Variants in ZCWPW1 observed in about 807,000 individuals in gnomAD.
ZCWPW1 encodes the protein zinc finger CW-type PWWP domain protein 1.
ZCWPW1 carries 56 observed loss-of-function variants against 81.3 expected under a neutral mutation model. The observed-to-expected ratio is 0.69, with a 90% CI of 0.56 to 0.86. ZCWPW1 has a LOEUF of 0.86. ZCWPW1 is among the 40% of genes least tolerant of loss of function. ZCWPW1 has a pLI of 0.00. For synonymous variants in ZCWPW1, 250 were observed against 273.7 expected (o/e 0.91, Z 0.86); for missense variants, 650 against 769.8 (o/e 0.84, Z 1.84).
chr7:100,419,255 AG>A, intron 4 of ZCWPW1, 66 bp from the exon 5 acceptor site: 1 of 1,410,172 alleles, frequency 7.1e-7, no homozygotes, highest in Non-Finnish European at 9.8e-7. Flanking sequence ...CTGAACAGTC[AG>A]GGAAGCCTCC....
chr7:100,424,338 G>A (rs1205116937), intron 2 of ZCWPW1, among the ~76,000 whole-genome samples: 1 of 152,150 alleles, frequency 6.6e-6, no homozygotes, highest in Non-Finnish European at 1.5e-5. Flanking sequence ...AAAAAAAATG[G>A]ATCAAAATGC....
intron 8 of ZCWPW1, among the ~76,000 whole-genome samples, chr7:100,411,053 AACAG>A (rs1794056344): frequency 6.6e-6 from 1 of 152,210 alleles, no homozygotes; most frequent in Non-Finnish European, 1.5e-5. Flanking sequence ...AAAATCACAT[AACAG>A]ACACATAGGT....
chr7:100,426,542 T>A (rs979474403), intron 1 of ZCWPW1, among the ~76,000 whole-genome samples: 15 of 147,264 alleles, frequency 1.0e-4, no homozygotes, highest in Admixed American at 1.0e-3. Flanking sequence ...TAAGCCAGAG[T>A]CTGATCTTCC....
chr7:100,421,482 C>T (rs1160130304), intron 2 of ZCWPW1, among the ~76,000 whole-genome samples: 1 of 152,140 alleles, frequency 6.6e-6, no homozygotes, highest in Non-Finnish European at 1.5e-5. Flanking sequence ...TTTCTTAGAT[C>T]CTCAGTCCAA....
chr7:100,419,832 T>C lies in ZCWPW1; in HGVS notation c.80A>G (p.Tyr27Cys), dbSNP rs753910883. ...RIFAPPAQKSYSLLPCSPNSP... is the reference protein window; with the variant it reads ...RIFAPPAQKSCSLLPCSPNSP... ...GTTAGGGCTACAAGGTAACAGGCTG[T>C]AAGATTTTTGTGCAGGTGGGGCAAA... Residue 27 changes from tyrosine (Y) to cysteine (C), a missense_variant, in exon 4 of 18, where the codon TAC becomes TGC. By Grantham distance (194) the Tyr-to-Cys change is radical. Coordinates refer to ENST00000684423, the MANE Select transcript of ZCWPW1 (RefSeq NM_001386010.1). The C allele has an allele frequency of 4.4e-6, 7 of 1,597,280 alleles. No homozygotes were observed. In the East Asian group the frequency reaches 6.7e-5, roughly 15 times the overall value.
intron 8 of ZCWPW1, among the ~76,000 whole-genome samples, chr7:100,412,935 T>G (rs1584262868): frequency 6.6e-6 from 1 of 152,130 alleles, no homozygotes; most frequent in Admixed American, 6.6e-5. Context: ...TTACCCATGC[T>G]GGAGTGATGT....
chr7:100,420,732 C>A, intron 2 of ZCWPW1, 54 bp from the exon 3 acceptor site: 7 of 1,564,958 alleles, frequency 4.5e-6, no homozygotes, highest in Non-Finnish European at 5.2e-6. Context: ...AGATTTTAAA[C>A]TTTCTGTCTA....
chr7:100,403,780 G>A lies in ZCWPW1; in HGVS notation c.1327C>T (p.Gln443Ter), dbSNP rs758975326. 3 of 1,613,886 alleles carry A rather than the reference G, an allele frequency of 1.9e-6. No individual in the cohort carries two copies. Among genetic ancestry groups the A allele is most frequent in the East Asian group, 2.2e-5 (1 of 44,852 alleles). ...SNSNGERKDL[Q>*]LSGLNSPGSC... ...CCTGGGCTGTTCAAACCAGAGAGCT[G>A]TAAGTCTAGAACAGGAAAAGGAAGG... is the stretch of plus-strand genomic sequence containing the variant. The change falls in exon 15 of 18, where the codon CAG becomes TAG. Residue 443 changes from glutamine (Q) to a stop codon, truncating the protein, a stop_gained. Transcript: ENST00000684423. LOFTEE classifies it high-confidence loss of function.
chr7:100,419,192 G>A lies in ZCWPW1; in HGVS notation c.283-3C>T, dbSNP rs202118179. ...GCATTGGTAAGACTTGATTTTTCCT[G>A]CAGAGACAAGGGTAGGGGAGGAAAA... On this transcript the variant is annotated splice_polypyrimidine_tract_variant and splice_region_variant and intron_variant, in intron 4 of 17. Coordinates refer to ENST00000684423, the MANE Select transcript of ZCWPW1 (RefSeq NM_001386010.1). The A allele has an allele frequency of 2.1e-4, 333 of 1,612,162 alleles. 1 individual carries two copies. Among genetic ancestry groups the A allele is most frequent in the Non-Finnish European group, 2.6e-4 (303 of 1,179,186 alleles).
At chr7:100,408,715 C>G (rs559084895) in intron 9 of ZCWPW1, 56 bp from the exon 10 acceptor site, 1 of 1,584,304 alleles carries the variant, frequency 6.3e-7, no homozygotes, top group South Asian at 1.1e-5. Context: ...AGAGAAAGAG[C>G]TGGATGAGAG....
intron 12 of ZCWPW1, among the ~76,000 whole-genome samples, chr7:100,405,597 C>T (rs1414031339): frequency 6.6e-6 from 1 of 152,142 alleles, no homozygotes; most frequent in Non-Finnish European, 1.5e-5. Flanking sequence ...ATAACACCCC[C>T]CTTCCGTCTA....
chr7:100,406,416 C>A (rs1391809602), intron 12 of ZCWPW1, among the ~76,000 whole-genome samples: 1 of 152,078 alleles, frequency 6.6e-6, no homozygotes, highest in Non-Finnish European at 1.5e-5. Flanking sequence ...TTAATCTGTG[C>A]CCTCATTTCT....
At chr7:100,419,015 T>C (rs974062115) in intron 5 of ZCWPW1, 96 bp downstream of exon 5, 4 of 936,254 alleles carry the variant, frequency 4.3e-6, no homozygotes, top group South Asian at 1.4e-5. Context: ...ATTTAGAAGA[T>C]GGGAGAGAAA....
At position 100,416,469 on chromosome 7, in the gene ZCWPW1, T is replaced by C. The variant is rs1452444536; in HGVS notation, c.480-13A>G. ...TGGTACCTCCTCTCTGAAAATGAGGTTTTATTTTAATGAAAGGTAAAAATA... is the reference window on the plus strand; with the variant it reads ...TGGTACCTCCTCTCTGAAAATGAGGCTTTATTTTAATGAAAGGTAAAAATA... On this transcript the variant is annotated splice_polypyrimidine_tract_variant and intron_variant, in intron 6 of 17. Transcript: ENST00000684423. 6.2e-7 allele frequency: 1 copy of C among 1,611,558 alleles called. No homozygotes were observed. The highest frequency in any genetic ancestry group is 1.7e-5 in the Admixed American group (1 of 59,262).
intron 13 of ZCWPW1, among the ~76,000 whole-genome samples, chr7:100,404,528 T>C (rs1321007972): frequency 6.6e-6 from 1 of 151,940 alleles, no homozygotes; most frequent in African/African-American, 2.4e-5. Flanking sequence ...GCCTGGCTAA[T>C]TTTGTATTTT....
chr7:100,405,054 C>T lies in ZCWPW1; in HGVS notation c.1213G>A (p.Ala405Thr), dbSNP rs1175104967. The T allele has an allele frequency of 1.2e-6, 2 of 1,613,402 alleles. No homozygotes were observed. The highest frequency in any genetic ancestry group is 1.7e-5 in the Admixed American group (1 of 59,976). Residue 405 changes from alanine (A) to threonine (T), a missense_variant, in exon 13 of 18, where the codon GCC becomes ACC. Physicochemically the swap from Ala to Thr is moderately conservative, Grantham distance 58. Coordinates refer to ENST00000684423, the MANE Select transcript of ZCWPW1 (RefSeq NM_001386010.1). ...RNDCSQKLGV[A>T]LMMAQEAEQI... ...TCTGCCTCTTGAGCCATCATCAGGG[C>T]CACCCCCAGTTTCTGGCTGCAGTCA...
chr7:100,420,828 G>C (rs1796222023), intron 2 of ZCWPW1, 150 bp from the exon 3 acceptor site: 3 of 681,798 alleles, frequency 4.4e-6, no homozygotes, highest in Non-Finnish European at 7.5e-6. Flanking sequence ...TACACACCAG[G>C]GAATAATGAG....
rs540434059 is a variant in ZCWPW1 at position 100,405,362 on chromosome 7, G to T, written c.1174-269C>A. ...GAACTGCTTGAACCCAGGAGGCAGAGGTTGCAGTGAGCCGAGATTACACTA... is the reference window on the plus strand; with the variant it reads ...GAACTGCTTGAACCCAGGAGGCAGATGTTGCAGTGAGCCGAGATTACACTA... On this transcript the variant is annotated intron_variant, in intron 12 of 17. Transcript: ENST00000684423. Among the ~76,000 whole-genome samples, 15 of 152,032 alleles carry T rather than the reference G, an allele frequency of 9.9e-5. No homozygotes were observed. The South Asian group carries it at 2.1e-3, about 21-fold the overall frequency.
intron 6 of ZCWPW1, 35 bp from the exon 7 acceptor site, chr7:100,416,491 A>G (rs1795242900): frequency 6.2e-7 from 1 of 1,606,830 alleles, no homozygotes; most frequent in African/African-American, 1.3e-5. Context: ...GAAAGGTAAA[A>G]ATAGAGCAAT....
Sources: allele counts gnomAD v4.1 joint callset (sites outside exome capture counted in the v4.1 genomes callset), GRCh38; gene constraint gnomAD v4.1.1; transcripts MANE v1.5; gene names NCBI Gene and HGNC (gene_info 2026-07-23, HGNC 2026-07-21).